Variants in AP1B1 observed in about 807,000 individuals in gnomAD.
AP1B1 encodes the protein AP-1 complex subunit beta-1.
AP1B1 carries 36 observed loss-of-function variants against 104.3 expected under a neutral mutation model. That is an observed-to-expected ratio of 0.35 (90% CI 0.26 to 0.46). The LOEUF (loss-of-function observed/expected upper bound fraction) is 0.46, where lower values mean the gene tolerates loss of function less well. AP1B1 is among the 20% of genes least tolerant of loss of function. The probability of loss-of-function intolerance (pLI) is 1.00; values close to 1 mark genes in which losing one functional copy is unlikely to be tolerated. For missense variants in AP1B1, 901 were observed against 1,247.9 expected (o/e 0.72, Z 4.19); for synonymous variants, 504 against 517.5 (o/e 0.97, Z 0.35).
intron 11 of AP1B1, among the ~76,000 whole-genome samples, chr22:29,343,744 C>A (rs953771608): frequency 6.6e-6 from 1 of 152,224 alleles, no homozygotes; most frequent in African/African-American, 2.4e-5. Context: ...TTTAGCTTCT[C>A]TGAGTCAGTT....
intron 3 of AP1B1, among the ~76,000 whole-genome samples, chr22:29,362,374 T>C (rs2148010368): frequency 6.6e-6 from 1 of 151,162 alleles, no homozygotes; most frequent in African/African-American, 2.4e-5. Flanking sequence ...TGAGACTGAG[T>C]CTCGCTCTGT....
At chr22:29,349,908 T>G in intron 10 of AP1B1, 127 bp downstream of exon 10, 1 of 775,658 alleles carries the variant, frequency 1.3e-6, no homozygotes, top group Admixed American at 2.3e-5. Flanking sequence ...AAACAAAGGG[T>G]TTCTTTTGAG....
intron 1 of AP1B1, among the ~76,000 whole-genome samples, chr22:29,371,488 T>G (rs1479244494): frequency 1.3e-5 from 2 of 152,020 alleles, no homozygotes; most frequent in Non-Finnish European, 2.9e-5. Context: ...TCCCAGCACT[T>G]TGGGAGGCTG....
rs984870876 is a variant in AP1B1 at position 29,328,890 on chromosome 22, G to A, written c.2781C>T (p.Ser927=). The change falls in exon 23 of 23, where the codon TCC becomes TCT. Residue 927 remains serine (S), a synonymous_variant. Coordinates refer to ENST00000357586, the MANE Select transcript of AP1B1 (RefSeq NM_001127.4). This position sits in a 1 kb window ranked among gnomAD's most constrained non-coding sequence, Gnocchi z 4.1. ...GNPSCTDLEL[S]LKCRAPEVSQ... is the part of the protein sequence containing the mutation. ...ACACCTCTGGTGCTCGACACTTCAG[G>A]GACAGCTGCAGGGGAGAGAGGGGTC... 2 of 1,608,766 alleles carry A rather than the reference G, an allele frequency of 1.2e-6. No homozygotes were observed. The highest frequency in any genetic ancestry group is 8.5e-7 in the Non-Finnish European group (1 of 1,178,902).
chr22:29,352,601 G>A (rs1392543962), intron 7 of AP1B1, among the ~76,000 whole-genome samples: 2 of 152,118 alleles, frequency 1.3e-5, no homozygotes. Flanking sequence ...GCCCTGCTCT[G>A]CTGCTGATAG....
intron 2 of AP1B1, among the ~76,000 whole-genome samples, chr22:29,366,592 G>C (rs953062916): frequency 6.6e-6 from 1 of 152,058 alleles, no homozygotes; most frequent in African/African-American, 2.4e-5. Flanking sequence ...CAGCGCCATT[G>C]CACTCCAGCC....
intron 10 of AP1B1, 132 bp from the exon 11 acceptor site, chr22:29,349,515 G>GTT: frequency 5.6e-6 from 5 of 889,946 alleles, no homozygotes; most frequent in Non-Finnish European, 6.7e-6. Flanking sequence ...GGGGATCTGA[G>GTT]TTTTGTTTTT....
chr22:29,344,690 A>G (rs1344088507), intron 11 of AP1B1, among the ~76,000 whole-genome samples: 1 of 151,648 alleles, frequency 6.6e-6, no homozygotes, highest in Non-Finnish European at 1.5e-5. Context: ...ACACCTGGCT[A>G]ATTTTTGTAT....
intron 2 of AP1B1, among the ~76,000 whole-genome samples, chr22:29,365,911 G>A (rs1019557091): frequency 6.6e-6 from 1 of 151,916 alleles, no homozygotes; most frequent in African/African-American, 2.4e-5. Context: ...TGTCTTCCCT[G>A]CTCAACCTTG....
chr22:29,329,298 T>C, intron 22 of AP1B1: 1 of 1,164,774 alleles, frequency 8.6e-7, no homozygotes, highest in Middle Eastern at 3.6e-4. Flanking sequence ...GGAGGGAGCC[T>C]GGAGGGGTGC....
Position 29,338,997 on chromosome 22 carries a change from G to A in AP1B1, c.2156C>T (p.Pro719Leu). The change falls in exon 16 of 23, where the codon CCC (proline) becomes CTC (leucine). Residue 719 changes from proline (P) to leucine (L), a missense_variant. Pro to Leu is a moderately conservative substitution (Grantham distance 98). Around this residue, in one of 3 missense-constraint regions of AP1B1, gnomAD observed 424 missense variants for 494.0 expected, o/e 0.86. Coordinates refer to ENST00000357586, the MANE Select transcript of AP1B1 (RefSeq NM_001127.4). ...AGAAGACAAGTGACTTACTGCTTTG[G>A]GGGCCACATATGATCCTGACAGGGT... ...VGTLSGSYVA[P>L]KAVWLPAMKA... 6.2e-7 allele frequency: 1 copy of A among 1,614,094 alleles called. No homozygotes were observed. The highest frequency in any genetic ancestry group is 8.5e-7 in the Non-Finnish European group (1 of 1,180,010).
chr22:29,351,421 T>G (rs761501940), intron 8 of AP1B1, 155 bp from the exon 9 acceptor site: 19 of 973,442 alleles, frequency 2.0e-5, no homozygotes, highest in Middle Eastern at 4.2e-4. Flanking sequence ...GGCAGGTGCC[T>G]GAAAAGGAAA....
At chr22:29,349,080 C>T in intron 11 of AP1B1, 138 bp downstream of exon 11, 2 of 971,164 alleles carry the variant, frequency 2.1e-6, no homozygotes, top group Non-Finnish European at 3.0e-6. Context: ...GGGGCGGTGT[C>T]CATTACGCGC....
chr22:29,329,405 G>A, intron 22 of AP1B1: 1 of 1,280,460 alleles, frequency 7.8e-7, no homozygotes, highest in South Asian at 2.3e-5. Flanking sequence ...AGAGGAGAGA[G>A]GAGCCCCCAC....
chr22:29,329,932 C>T, intron 21 of AP1B1: 10 of 1,426,582 alleles, frequency 7.0e-6, no homozygotes, highest in South Asian at 1.5e-5. Flanking sequence ...CCTGGAACAG[C>T]GGTGCAGGCC....
At chr22:29,345,240 T>A (rs2061774419) in intron 11 of AP1B1, among the ~76,000 whole-genome samples, 2 of 148,012 alleles carry the variant, frequency 1.4e-5, no homozygotes, top group South Asian at 2.1e-4. Flanking sequence ...TTTTTTTTTA[T>A]AGAGATGAGG....
intron 5 of AP1B1, 73 bp downstream of exon 5, chr22:29,358,653 A>T: frequency 1.3e-6 from 2 of 1,553,564 alleles, no homozygotes; most frequent in Non-Finnish European, 1.8e-6. Flanking sequence ...CTGCCTGGTG[A>T]AGAGTCAAGC....
At position 29,387,689 on chromosome 22, in the gene AP1B1, G is replaced by T. The variant is rs182028339; in HGVS notation, c.-28+735C>A. ...TACTTTGCAGGTCTCTGACAGCCTG[G>T]CAGAAAACCTGGCCTTGCCTCTACT... On this transcript the variant is annotated intron_variant, in intron 1 of 22. Coordinates refer to ENST00000357586, the MANE Select transcript of AP1B1 (RefSeq NM_001127.4). Among the ~76,000 whole-genome samples, 838 of 152,318 alleles carry T rather than the reference G, an allele frequency of 5.5e-3. 2 individuals are homozygous for T. The highest frequency in any genetic ancestry group is 9.5e-3 in the Non-Finnish European group (649 of 68,024).
intron 4 of AP1B1, 37 bp from the exon 5 acceptor site, chr22:29,359,008 G>A: frequency 1.9e-6 from 3 of 1,568,456 alleles, no homozygotes; most frequent in Non-Finnish European, 2.6e-6. Flanking sequence ...GCAGGGGTGG[G>A]ATGAGCCATC....
Sources: gnomAD v4.1 joint callset for allele counts (sites outside exome capture counted in the v4.1 genomes callset) on GRCh38, gnomAD v4.1.1 for gene constraint, gnomAD v4.1.1 regional missense constraint, Gnocchi (gnomAD v3.1) non-coding constraint, MANE v1.5 for transcripts, NCBI Gene and HGNC (gene_info 2026-07-23, HGNC 2026-07-21) for gene names.